Variants in SH3RF3 observed in about 807,000 individuals in gnomAD.
The protein encoded by SH3RF3 is SH3 domain containing ring finger 3, also known as E3 ubiquitin-protein ligase SH3RF3.
SH3RF3 carries 29 observed loss-of-function variants against 66.3 expected under a neutral mutation model. The observed-to-expected ratio is 0.44, with a 90% CI of 0.33 to 0.60. The LOEUF is 0.60. Among genes scored for constraint, SH3RF3 ranks in the 20% least tolerant of loss-of-function variants. SH3RF3 has a pLI of 0.04. For missense variants in SH3RF3, 1,194 were observed against 1,190.9 expected (o/e 1.00, Z -0.04); for synonymous variants, 583 against 532.0 (o/e 1.10, Z -1.32).
intron 1 of SH3RF3, among the ~76,000 whole-genome samples, chr2:109,230,885 G>A (rs1679498527): frequency 6.6e-6 from 1 of 152,186 alleles, no homozygotes; most frequent in Admixed American, 6.5e-5. Flanking sequence ...TCCCTTTGGG[G>A]GCTTTGGGGG....
chr2:109,260,452 G>A (rs545123168), intron 1 of SH3RF3, among the ~76,000 whole-genome samples: 26 of 152,218 alleles, frequency 1.7e-4, no homozygotes, highest in Admixed American at 1.5e-3. Flanking sequence ...GGTGGAGAAA[G>A]CATCTGCCTC....
chr2:109,186,242 C>T (rs956868174), intron 1 of SH3RF3, among the ~76,000 whole-genome samples: 2 of 152,256 alleles, frequency 1.3e-5, no homozygotes, highest in Admixed American at 6.5e-5. Flanking sequence ...TTCCCGTGTA[C>T]GAGATGCTTT....
intron 1 of SH3RF3, among the ~76,000 whole-genome samples, chr2:109,324,890 C>T (rs1185180817): frequency 1.3e-5 from 2 of 152,194 alleles, no homozygotes; most frequent in Non-Finnish European, 1.5e-5. Flanking sequence ...CTGGAAGGAA[C>T]GGTGGAGCTG....
At chr2:109,446,731 T>C (rs1677714657) in intron 7 of SH3RF3, among the ~76,000 whole-genome samples, 1 of 151,226 alleles carries the variant, frequency 6.6e-6, no homozygotes, top group Non-Finnish European at 1.5e-5. Flanking sequence ...GGGAGAGTAT[T>C]AGGAGGTGAG....
At chr2:109,449,086 T>C in intron 7 of SH3RF3, 84 bp from the exon 8 acceptor site, 1 of 1,473,762 alleles carries the variant, frequency 6.8e-7, no homozygotes. Flanking sequence ...GAAGGGAGCC[T>C]GAGTGTGCAT....
intron 1 of SH3RF3, among the ~76,000 whole-genome samples, chr2:109,346,102 C>G (rs1574587362): frequency 6.6e-6 from 1 of 152,224 alleles, no homozygotes; most frequent in African/African-American, 2.4e-5. Context: ...TGCCTCCGCT[C>G]TCTAAAATTG....
intron 1 of SH3RF3, among the ~76,000 whole-genome samples, chr2:109,280,960 G>C (rs754974313): frequency 3.4e-4 from 51 of 152,206 alleles, no homozygotes; most frequent in Non-Finnish European, 5.7e-4. Flanking sequence ...GGTTCCCTAG[G>C]TGGCAGTGGT....
intron 1 of SH3RF3, among the ~76,000 whole-genome samples, chr2:109,179,001 TAATGTGTGTGTG>T (rs1239822233): frequency 0.02 from 1,295 of 65,394 alleles, 12 homozygotes; most frequent in African/African-American, 0.073. Context: ...TAAAGTATAA[TAATGTGTGTGTG>T]TGTGTGTGTG....
chr2:109,188,586 C>T (rs538981779), intron 1 of SH3RF3, among the ~76,000 whole-genome samples: 15 of 152,174 alleles, frequency 9.9e-5, no homozygotes, highest in Non-Finnish European at 2.2e-4. Context: ...GCAGGGGTCC[C>T]GTCCCCTCTC....
intron 1 of SH3RF3, among the ~76,000 whole-genome samples, chr2:109,186,797 A>G (rs1678199537): frequency 6.6e-6 from 1 of 152,184 alleles, no homozygotes. Flanking sequence ...TCACTGCCTT[A>G]GGTTCCACCT....
rs545867506 is a variant in SH3RF3 at position 109,403,941 on chromosome 2, G to A, written c.1299+4998G>A. ...GCGTGCGTGCGGGCTGCCCTCCTTG[G>A]TAGGTGTACCTTGAGTGTTGGCTGT... On this transcript the variant is annotated intron_variant, in intron 4 of 9. Transcript: ENST00000309415. Among the ~76,000 whole-genome samples, 165 of 152,330 alleles carry A rather than the reference G, an allele frequency of 1.1e-3. 1 individual carries two copies. Among genetic ancestry groups the A allele is most frequent in the African/African-American group, 3.8e-3 (160 of 41,584 alleles).
At chr2:109,401,662 C>T (rs1299018817) in intron 4 of SH3RF3, among the ~76,000 whole-genome samples, 1 of 152,230 alleles carries the variant, frequency 6.6e-6, no homozygotes, top group Non-Finnish European at 1.5e-5. Flanking sequence ...GGGGCATCTT[C>T]TCTGCCACTT....
chr2:109,286,448 C>G (rs1186416953), intron 1 of SH3RF3, among the ~76,000 whole-genome samples: 1 of 152,184 alleles, frequency 6.6e-6, no homozygotes. Flanking sequence ...TGTGGTCACT[C>G]AGCACATGCT....
intron 1 of SH3RF3, among the ~76,000 whole-genome samples, chr2:109,245,524 A>G (rs1263999074): frequency 6.6e-6 from 1 of 152,240 alleles, no homozygotes; most frequent in Non-Finnish European, 1.5e-5. Flanking sequence ...TAAAAAGTAA[A>G]TTAAGTTTTT....
At chr2:109,234,119 T>G (rs988357304) in intron 1 of SH3RF3, among the ~76,000 whole-genome samples, 4 of 152,216 alleles carry the variant, frequency 2.6e-5, no homozygotes, top group Non-Finnish European at 5.9e-5. Flanking sequence ...TTTAATTTCC[T>G]TATAGGAAAT....
intron 1 of SH3RF3, among the ~76,000 whole-genome samples, chr2:109,302,761 C>T (rs12053476): frequency 0.29 from 44,793 of 152,116 alleles, 7,977 homozygotes; most frequent in East Asian, 0.86. Context: ...CACGACATTT[C>T]ACCTGCCTCT....
chr2:109,204,484 C>T (rs889443172), intron 1 of SH3RF3, among the ~76,000 whole-genome samples: 14 of 152,198 alleles, frequency 9.2e-5, no homozygotes, highest in African/African-American at 3.1e-4. Context: ...TTATGCCCCT[C>T]CAATCTCCCT....
At chr2:109,235,039 C>G (rs988373013) in intron 1 of SH3RF3, among the ~76,000 whole-genome samples, 5 of 152,128 alleles carry the variant, frequency 3.3e-5, no homozygotes, top group African/African-American at 1.2e-4. Context: ...TCCCTTCAGC[C>G]CAGTAGGCCA....
At chr2:109,281,759 A>G (rs1340415545) in intron 1 of SH3RF3, among the ~76,000 whole-genome samples, 1 of 152,174 alleles carries the variant, frequency 6.6e-6, no homozygotes, top group Non-Finnish European at 1.5e-5. Context: ...CCCAGAGAGC[A>G]AGAGCAAGCC....
Sources: allele counts gnomAD v4.1 joint callset (sites outside exome capture counted in the v4.1 genomes callset), GRCh38; gene constraint gnomAD v4.1.1; transcripts MANE v1.5; gene names NCBI Gene and HGNC (gene_info 2026-07-23, HGNC 2026-07-21).